Variants in CDH23 observed in about 807,000 individuals in gnomAD.
CDH23 encodes the protein cadherin-23.
CDH23 carries 189 observed loss-of-function variants against 317.1 expected under a neutral mutation model. That is an observed-to-expected ratio of 0.60 (90% CI 0.53 to 0.67). The LOEUF (loss-of-function observed/expected upper bound fraction) is 0.67, where lower values mean the gene tolerates loss of function less well. Ranked by LOEUF, CDH23 falls within the 30% of genes least tolerant of loss-of-function variation. The pLI, the probability that CDH23 is intolerant of heterozygous loss-of-function variation, is 0.00. For synonymous variants in CDH23, 1,839 were observed against 1,876.8 expected (o/e 0.98, Z 0.52); for missense variants, 4,401 against 4,592.4 (o/e 0.96, Z 1.20).
intron 8 of CDH23, among the ~76,000 whole-genome samples, chr10:71,571,635 C>T (rs1589220890): frequency 6.6e-6 from 1 of 152,238 alleles, no homozygotes; most frequent in South Asian, 2.1e-4. Context: ...GTCTCATAAC[C>T]ATTCGTGCGT....
At position 71,570,818 on chromosome 10, in the gene CDH23, C is replaced by A; in HGVS notation, c.653C>A (p.Thr218Asn). 1.9e-6 allele frequency: 3 copies of A among 1,613,768 alleles called. No homozygotes were observed. The highest frequency in any genetic ancestry group is 2.5e-6 in the Non-Finnish European group (3 of 1,179,778). ...TDQDKTRPLSTLANLAIIITD... is the reference protein window; with the variant it reads ...TDQDKTRPLSNLANLAIIITD... ...CAAGACAAGACCAGGCCTCTGTCCA[C>A]CCTGGCCAACTTGGCCATCATCATC... Residue 218 changes from threonine to asparagine, a missense_variant, in exon 8 of 70, where the codon ACC (threonine) becomes AAC (asparagine). Physicochemically the swap from Thr to Asn is moderately conservative, Grantham distance 65. This residue lies in a region of CDH23 where 3,068 missense variants were observed against 3,203.3 expected (regional missense o/e 0.96). Coordinates refer to ENST00000224721, the MANE Select transcript of CDH23 (RefSeq NM_022124.6).
intron 44 of CDH23, among the ~76,000 whole-genome samples, chr10:71,787,527 C>T (rs899800429): frequency 2.7e-5 from 4 of 146,248 alleles, no homozygotes; most frequent in African/African-American, 1.0e-4. Flanking sequence ...TTTTTCAACC[C>T]TCACCCTCTT....
chr10:71,415,601 G>T (rs1848502377), intron 1 of CDH23, among the ~76,000 whole-genome samples: 1 of 151,974 alleles, frequency 6.6e-6, no homozygotes, highest in Non-Finnish European at 1.5e-5. Context: ...ATAGCTCATT[G>T]TTTTATAGAT....
chr10:71,714,284 C>T lies in CDH23; in HGVS notation c.3369+1471C>T, dbSNP rs561414832. ...TGCCAGCTTCCACCAAGACTCCTGC[C>T]TCAGAGGGTGGGGACACACCCAGGC... On this transcript the variant is annotated intron_variant, in intron 28 of 69. Coordinates refer to ENST00000224721, the MANE Select transcript of CDH23 (RefSeq NM_022124.6). The T allele has an allele frequency of 9.2e-5, 14 of 152,230 alleles. No individual in the cohort carries two copies. The South Asian group carries it at 2.9e-3, about 32-fold the overall frequency. The allele number at this position is 152,230 out of a possible 1,614,324, so 9.4% of individuals were successfully genotyped here. A position where few individuals can be genotyped will look rare whatever the true frequency, so the allele number is the denominator to read the frequency against.
chr10:71,442,049 A>G (rs1849912821), intron 2 of CDH23, among the ~76,000 whole-genome samples: 1 of 152,268 alleles, frequency 6.6e-6, no homozygotes, highest in African/African-American at 2.4e-5. Flanking sequence ...TACATCAAGC[A>G]CTTAGAATAG....
intron 1 of CDH23, among the ~76,000 whole-genome samples, chr10:71,431,456 G>A (rs116339714): frequency 0.01 from 1,585 of 152,314 alleles, 27 homozygotes; most frequent in African/African-American, 0.035. Context: ...GCTTTGAAGC[G>A]TGGTCATCGG....
At chr10:71,436,491 C>G (rs1849627911) in intron 1 of CDH23, among the ~76,000 whole-genome samples, 1 of 152,234 alleles carries the variant, frequency 6.6e-6, no homozygotes, top group Non-Finnish European at 1.5e-5. Flanking sequence ...GAAACGGGAA[C>G]AGCAGCATGG....
chr10:71,815,481 T>A lies in CDH23; in HGVS notation c.*203T>A, dbSNP rs1447289241. 1 of 474,518 alleles carries A rather than the reference T, an allele frequency of 2.1e-6. No homozygotes were observed. Among genetic ancestry groups the A allele is most frequent in the Non-Finnish European group, 3.7e-6 (1 of 269,634 alleles). The allele number at this position is 474,518 out of a possible 1,614,324, so 29.4% of individuals were successfully genotyped here. On this transcript the variant is annotated 3_prime_UTR_variant, in exon 70 of 70. Coordinates refer to ENST00000224721, the MANE Select transcript of CDH23 (RefSeq NM_022124.6). ...ATTCAGCATCTGACCTCTACCTTCA[T>A]AAGATCTGTTATTTTTATAAGAAAA... is the stretch of plus-strand genomic sequence containing the variant.
rs114471176 is a variant in CDH23, at chr10:71,698,703, C to T, written c.2397+3178C>T. Reference sequence around the variant, plus strand: ...TGTCCCAGCTTAAAACGTCAGCTGTCTTAGAGAGGCCCTGCCTGACTACTG... The same window carrying T: ...TGTCCCAGCTTAAAACGTCAGCTGTTTTAGAGAGGCCCTGCCTGACTACTG... On this transcript the variant is annotated intron_variant, in intron 22 of 69. Coordinates refer to ENST00000224721, the MANE Select transcript of CDH23 (RefSeq NM_022124.6). Among the ~76,000 whole-genome samples, 661 of 152,308 alleles carry T rather than the reference C, an allele frequency of 4.3e-3. 6 individuals are homozygous for T. The highest frequency in any genetic ancestry group is 0.015 in the African/African-American group (618 of 41,554).
intron 17 of CDH23, among the ~76,000 whole-genome samples, chr10:71,681,126 C>T (rs1022497882): frequency 1.8e-4 from 28 of 152,010 alleles, no homozygotes; most frequent in Non-Finnish European, 2.2e-4. Flanking sequence ...CTGTGCCTGG[C>T]CCATCCCTCT....
chr10:71,473,369 G>C lies in CDH23; in HGVS notation c.145+26974G>C, dbSNP rs553665936. Among the ~76,000 whole-genome samples the C allele has an allele frequency of 8.5e-5, 13 of 152,348 alleles. No individual in the cohort carries two copies. In the South Asian group the frequency reaches 2.7e-3, roughly 32 times the overall value. ...CATGGAGGAATACCAAGGGCCCTCT[G>C]TGCACCTGTGTGTTCATTCATAAGT... On this transcript the variant is annotated intron_variant, in intron 3 of 69. Coordinates refer to ENST00000224721, the MANE Select transcript of CDH23 (RefSeq NM_022124.6).
At chr10:71,446,540 G>A (rs1384997786) in intron 3 of CDH23, 145 bp downstream of exon 3, 6 of 755,068 alleles carry the variant, frequency 7.9e-6, no homozygotes, top group Non-Finnish European at 1.3e-5. Context: ...CTGCTAGGAT[G>A]CCTCCAGGGA....
intron 55 of CDH23, 108 bp from the exon 56 acceptor site, chr10:71,805,698 G>A: frequency 8.6e-7 from 1 of 1,165,376 alleles, no homozygotes; most frequent in Non-Finnish European, 1.2e-6. Context: ...GCTGTAAGCT[G>A]TTGAGGACAT....
rs1864430582 is a variant in CDH23 at position 71,677,643 on chromosome 10, G to A, written c.1702G>A (p.Gly568Ser). ...CACCTTCCAGAAGGATGCCTACGTG[G>A]GTGCTCTGCGGGAGAACGAGCCTTC... ...VPTFQKDAYV[G>S]ALRENEPSVT... The change falls in exon 16 of 70, where the codon GGT becomes AGT. Residue 568 changes from glycine to serine, a missense_variant. Gly to Ser is a moderately conservative substitution (Grantham distance 56). This residue lies in a region of CDH23 where 3,068 missense variants were observed against 3,203.3 expected (regional missense o/e 0.96). Coordinates refer to ENST00000224721, the MANE Select transcript of CDH23 (RefSeq NM_022124.6). The A allele has an allele frequency of 1.9e-6, 3 of 1,586,722 alleles. No homozygotes were observed. The highest frequency in any genetic ancestry group is 2.6e-6 in the Non-Finnish European group (3 of 1,166,778).
intron 1 of CDH23, among the ~76,000 whole-genome samples, chr10:71,399,596 G>T (rs940655532): frequency 2.6e-5 from 4 of 152,132 alleles, no homozygotes; most frequent in Non-Finnish European, 4.4e-5. Flanking sequence ...TCAGCTTTGT[G>T]TGCAGTCAAA....
chr10:71,407,463 C>T (rs1160865572), intron 1 of CDH23, among the ~76,000 whole-genome samples: 1 of 152,234 alleles, frequency 6.6e-6, no homozygotes, highest in Non-Finnish European at 1.5e-5. Context: ...GGATGGTTTT[C>T]TACCCTGAGC....
intron 38 of CDH23, chr10:71,761,616 C>A: frequency 6.3e-7 from 1 of 1,597,762 alleles, no homozygotes; most frequent in Non-Finnish European, 8.5e-7. Flanking sequence ...ACCTGCAGCT[C>A]CATGGCACCA....
chr10:71,417,319 C>T (rs1038980562), intron 1 of CDH23, among the ~76,000 whole-genome samples: 2 of 152,014 alleles, frequency 1.3e-5, no homozygotes, highest in African/African-American at 2.4e-5. Context: ...TCAGGTGATC[C>T]GCCTGCCTCG....
chr10:71,528,216 A>G (rs1348736217), intron 6 of CDH23, among the ~76,000 whole-genome samples: 2 of 152,118 alleles, frequency 1.3e-5, no homozygotes, highest in African/African-American at 4.8e-5. Context: ...GGCTACTGTG[A>G]CAAGAAAGAC....
Sources: gnomAD v4.1 joint callset for allele counts (sites outside exome capture counted in the v4.1 genomes callset) on GRCh38, gnomAD v4.1.1 for gene constraint, gnomAD v4.1.1 regional missense constraint, MANE v1.5 for transcripts, NCBI Gene and HGNC (gene_info 2026-07-23, HGNC 2026-07-21) for gene names.